The following HDAC9 variants were observed in gnomAD, a reference collection of about 807,000 sequenced individuals.
The protein encoded by HDAC9 is MEF-2 interacting transcription repressor (MITR) protein.
Under a neutral mutation model 139.4 loss-of-function variants are expected in HDAC9, and 41 were observed. The ratio of observed to expected loss-of-function variants is 0.29; its 90% CI spans 0.23 to 0.38. The LOEUF (loss-of-function observed/expected upper bound fraction) is 0.38. HDAC9 is among the 10% of genes least tolerant of loss of function. The probability of loss-of-function intolerance (pLI) is 1.00; values close to 1 mark genes in which losing one functional copy is unlikely to be tolerated. For synonymous variants in HDAC9, 517 were observed against 476.2 expected (o/e 1.09, Z -1.12); for missense variants, 1,147 against 1,297.0 (o/e 0.88, Z 1.78).
At chr7:18,523,877 G>A (rs1447842802) in intron 2 of HDAC9, among the ~76,000 whole-genome samples, 2 of 152,088 alleles carry the variant, frequency 1.3e-5, no homozygotes, top group African/African-American at 4.8e-5. Flanking sequence ...AGATTTAAAT[G>A]TAGACCCCGC....
chr7:18,813,880 G>A (rs1028721035), intron 17 of HDAC9, among the ~76,000 whole-genome samples: 2 of 152,204 alleles, frequency 1.3e-5, no homozygotes, highest in Non-Finnish European at 1.5e-5. Flanking sequence ...CTGTCAGCTA[G>A]TTGTCTGGTC....
At position 18,942,729 on chromosome 7, in the gene HDAC9, A is replaced by G. The variant is rs1782106121; in HGVS notation, c.2937+6787A>G. Among the ~76,000 whole-genome samples, 5 of 152,062 alleles carry G rather than the reference A, an allele frequency of 3.3e-5. 1 individual carries two copies. In the South Asian group the frequency reaches 1.0e-3, roughly 31 times the overall value. ...TTGTGTGTATCTCTGCTTAAATCTA[A>G]GTTTAATAACATCACGTTAGTAGCT... On this transcript the variant is annotated intron_variant, in intron 23 of 25. Coordinates refer to ENST00000686413, the MANE Select transcript of HDAC9 (RefSeq NM_178425.4).
At position 18,392,317 on chromosome 7, in the gene HDAC9, A is replaced by T. The variant is rs199690187; in HGVS notation, c.-42+101802A>T. ...CTCTCTCTCTCTCTCTCTCTCTCTC[A>T]CACACACACACACACACACACACAC... On this transcript the variant is annotated intron_variant, in intron 1 of 3. Transcript: ENST00000413509. 9.6e-3 allele frequency among the ~76,000 whole-genome samples: 1,058 copies of T among 110,240 alleles called. 7 individuals carry two copies. The highest frequency in any genetic ancestry group is 0.013 in the Non-Finnish European group (674 of 53,906). 72.3% of individuals were successfully genotyped at this position (110,240 alleles called of 152,430 possible).
At chr7:18,699,014 T>A (rs1362303781) in intron 12 of HDAC9, among the ~76,000 whole-genome samples, 1 of 152,120 alleles carries the variant, frequency 6.6e-6, no homozygotes, top group Non-Finnish European at 1.5e-5. Context: ...TGCACAATAG[T>A]TCGTCTTCAG....
intron 13 of HDAC9, among the ~76,000 whole-genome samples, chr7:18,744,622 T>TAAAG (rs1787770112): frequency 6.6e-6 from 1 of 152,172 alleles, no homozygotes; most frequent in South Asian, 2.1e-4. Flanking sequence ...AAATTGTCTA[T>TAAAG]AAAGACTCTA....
intron 1 of HDAC9, among the ~76,000 whole-genome samples, chr7:18,294,311 T>C (rs1448516473): frequency 6.6e-6 from 1 of 152,172 alleles, no homozygotes; most frequent in African/African-American, 2.4e-5. Context: ...TTTGGGTATT[T>C]AACTAATGTT....
intron 1 of HDAC9, among the ~76,000 whole-genome samples, chr7:18,353,180 T>G (rs1419749915): frequency 6.6e-6 from 1 of 152,168 alleles, no homozygotes; most frequent in African/African-American, 2.4e-5. Flanking sequence ...GTTATTTTCT[T>G]CAGCACTATC....
At chr7:18,851,810 G>A (rs2129224369) in intron 21 of HDAC9, among the ~76,000 whole-genome samples, 1 of 152,248 alleles carries the variant, frequency 6.6e-6, no homozygotes, top group East Asian at 1.9e-4. Context: ...ATTTATGAAA[G>A]CAAACCATTT....
intron 24 of HDAC9, among the ~76,000 whole-genome samples, chr7:18,965,443 A>C (rs1783781543): frequency 6.6e-6 from 1 of 152,218 alleles, no homozygotes; most frequent in African/African-American, 2.4e-5. Context: ...CGTCTGTTAC[A>C]TGTTGGGAGA....
At chr7:18,982,835 A>G (rs953690145) in intron 25 of HDAC9, among the ~76,000 whole-genome samples, 1 of 152,122 alleles carries the variant, frequency 6.6e-6, no homozygotes, top group African/African-American at 2.4e-5. Flanking sequence ...TTATTATTGT[A>G]CATTACTCCA....
intron 16 of HDAC9, among the ~76,000 whole-genome samples, chr7:18,773,365 ACACACACACACAC>A (rs1562930986): frequency 1.8e-3 from 8 of 4,420 alleles, no homozygotes; most frequent in African/African-American, 0.013. Flanking sequence ...AAAACTGTAT[ACACACACACACAC>A]ACACACACAC....
At chr7:18,811,025 G>T (rs1167482928) in intron 17 of HDAC9, among the ~76,000 whole-genome samples, 1 of 151,814 alleles carries the variant, frequency 6.6e-6, no homozygotes, top group Non-Finnish European at 1.5e-5. Context: ...CAGCTTAACT[G>T]TATGTGTATT....
chr7:18,749,103 C>T lies in HDAC9; in HGVS notation c.2008C>T (p.Arg670Ter). Reference protein sequence around the residue: ...HAGRIQSIWSRLQETGLLNKC... With the variant: ...HAGRIQSIWS ...TGGACGAATACAGAGTATCTGGTCA[C>T]GACTGCAAGAAACTGGGCTGCTAAA... The change falls in exon 14 of 26, where the codon CGA becomes TGA. Residue 670 changes from arginine (R) to a stop codon, truncating the protein, a stop_gained. Transcript: ENST00000686413. LOFTEE classifies it high-confidence loss of function. 8 of 1,613,700 alleles carry T rather than the reference C, an allele frequency of 5.0e-6. No homozygotes were observed. Among genetic ancestry groups the T allele is most frequent in the Non-Finnish European group, 5.9e-6 (7 of 1,179,752 alleles).
upstream of HDAC9, among the ~76,000 whole-genome samples, chr7:18,288,446 T>A (rs1196180175): frequency 6.6e-6 from 1 of 152,184 alleles, no homozygotes; most frequent in East Asian, 1.9e-4. Context: ...ATGTAACCAC[T>A]CAACCCTCCA....
intron 25 of HDAC9, among the ~76,000 whole-genome samples, chr7:18,976,363 G>A (rs1434544628): frequency 6.6e-6 from 1 of 152,146 alleles, no homozygotes; most frequent in African/African-American, 2.4e-5. Flanking sequence ...AGAAAGAGGA[G>A]AGTAGAAGAT....
chr7:18,822,872 G>T (rs1326648388), intron 17 of HDAC9, among the ~76,000 whole-genome samples: 4 of 152,136 alleles, frequency 2.6e-5, no homozygotes, highest in Non-Finnish European at 5.9e-5. Flanking sequence ...AAGTTGTTAG[G>T]ATTAAATGGG....
intron 13 of HDAC9, among the ~76,000 whole-genome samples, chr7:18,731,110 C>T (rs746469627): frequency 2.1e-4 from 32 of 152,012 alleles, no homozygotes; most frequent in Non-Finnish European, 3.7e-4. Flanking sequence ...CAGAATGATG[C>T]GCAATTTAAA....
intron 2 of HDAC9, among the ~76,000 whole-genome samples, chr7:18,214,020 T>G (rs930360747): frequency 6.6e-6 from 1 of 152,050 alleles, no homozygotes. Flanking sequence ...ATAAACATCA[T>G]TATAATAGTA....
chr7:18,546,743 A>G (rs1032447932), intron 2 of HDAC9, among the ~76,000 whole-genome samples: 4 of 152,186 alleles, frequency 2.6e-5, no homozygotes, highest in Non-Finnish European at 4.4e-5. Flanking sequence ...TCCAGCAGGG[A>G]CAGAGTTGGA....
Sources: gnomAD v4.1 joint callset for allele counts (sites outside exome capture counted in the v4.1 genomes callset) on GRCh38, gnomAD v4.1.1 for gene constraint, MANE v1.5 for transcripts, NCBI Gene and HGNC (gene_info 2026-07-23, HGNC 2026-07-21) for gene names.